DYRK1A: variants seen among roughly 807,000 people sequenced by gnomAD.
DYRK1A encodes dual specificity tyrosine-phosphorylation-regulated kinase 1A.
DYRK1A carries 9 observed loss-of-function variants against 79.7 expected under a neutral mutation model. That is an observed-to-expected ratio of 0.11 (90% confidence interval 0.07 to 0.20). The LOEUF (loss-of-function observed/expected upper bound fraction) is 0.20. Ranked by LOEUF, DYRK1A falls within the 10% of genes least tolerant of loss-of-function variation. The probability of loss-of-function intolerance (pLI) is 1.00; values close to 1 mark genes in which losing one functional copy is unlikely to be tolerated. For missense variants in DYRK1A, 622 were observed against 956.0 expected (o/e 0.65, Z 4.61); for synonymous variants, 349 against 329.7 (o/e 1.06, Z -0.63).
intron 4 of DYRK1A, among the ~76,000 whole-genome samples, chr21:37,479,625 T>TTTTTTG (rs2052560021): frequency 1.0e-5 from 1 of 97,536 alleles, no homozygotes; most frequent in African/African-American, 5.6e-5. Flanking sequence ...TTTTGTTTTT[T>TTTTTTG]TTTTTTTTTT....
intron 1 of DYRK1A, among the ~76,000 whole-genome samples, chr21:37,386,272 G>T (rs531134475): frequency 6.6e-6 from 1 of 152,162 alleles, no homozygotes; most frequent in African/African-American, 2.4e-5. Context: ...AATGTAGTGC[G>T]CTTGAATCAT....
Position 37,518,542 on chromosome 21 carries a change from T to A in DYRK1A, c.*6011T>A, listed in dbSNP as rs1429797620. ...TTTTCTGAAACTTTGCGGGCCATTCTGAACCTGCAGCCAGGCAGGACTCTG... is the reference window on the plus strand; with the variant it reads ...TTTTCTGAAACTTTGCGGGCCATTCAGAACCTGCAGCCAGGCAGGACTCTG... On this transcript the variant is annotated 3_prime_UTR_variant, in exon 12 of 12. Coordinates refer to ENST00000647188, the MANE Select transcript of DYRK1A (RefSeq NM_001347721.2). 1 of 151,970 alleles carries A rather than the reference T, an allele frequency of 6.6e-6. No individual in the cohort carries two copies. Among genetic ancestry groups the A allele is most frequent in the African/African-American group, 2.4e-5 (1 of 41,344 alleles). The allele number at this position is 151,970 out of a possible 1,614,324, so 9.4% of individuals were successfully genotyped here. A position where few individuals can be genotyped will look rare whatever the true frequency, so the allele number is the denominator to read the frequency against.
chr21:37,490,516 G>C, intron 7 of DYRK1A, 55 bp downstream of exon 7: 1 of 1,532,856 alleles, frequency 6.5e-7, no homozygotes, highest in Non-Finnish European at 8.8e-7. Flanking sequence ...GAAGTAGGTA[G>C]GACAGTGTAG....
chr21:37,473,201 C>CA (rs1250190874), intron 3 of DYRK1A, among the ~76,000 whole-genome samples: 1 of 152,104 alleles, frequency 6.6e-6, no homozygotes, highest in African/African-American at 2.4e-5. Flanking sequence ...AAAACCGTTA[C>CA]AGGAAAGCAA....
intron 2 of DYRK1A, among the ~76,000 whole-genome samples, chr21:37,448,410 C>T (rs1262177071): frequency 3.3e-5 from 5 of 152,080 alleles, no homozygotes; most frequent in Non-Finnish European, 5.9e-5. Context: ...GTGCCTGGTC[C>T]CCATTTCAGG....
intron 2 of DYRK1A, among the ~76,000 whole-genome samples, chr21:37,472,400 T>G (rs575898240): frequency 6.4e-4 from 97 of 152,290 alleles, no homozygotes; most frequent in Non-Finnish European, 1.2e-3. Context: ...TTTATGAAAA[T>G]CTCGTAGGTG....
intron 8 of DYRK1A, 95 bp from the exon 9 acceptor site, chr21:37,496,023 G>A (rs1382017368): frequency 1.6e-6 from 2 of 1,213,220 alleles, no homozygotes; most frequent in Non-Finnish European, 2.3e-6. Flanking sequence ...AGACACACAG[G>A]AGGTGTGCAA....
intron 2 of DYRK1A, among the ~76,000 whole-genome samples, chr21:37,439,641 C>A (rs2148473426): frequency 6.6e-6 from 1 of 152,304 alleles, no homozygotes; most frequent in East Asian, 1.9e-4. Context: ...GCCTGATGAT[C>A]TGAGGTAGAA....
intron 2 of DYRK1A, 61 bp from the exon 3 acceptor site, chr21:37,472,623 T>C: frequency 2.2e-6 from 3 of 1,376,024 alleles, no homozygotes; most frequent in South Asian, 3.3e-5. Context: ...ATTAGATATG[T>C]CAAATGATAC....
At chr21:37,432,872 A>T (rs2050815013) in intron 2 of DYRK1A, among the ~76,000 whole-genome samples, 1 of 151,766 alleles carries the variant, frequency 6.6e-6, no homozygotes, top group African/African-American at 2.4e-5. Flanking sequence ...GCTACTCAGG[A>T]GGCTGAGGCA....
intron 5 of DYRK1A, among the ~76,000 whole-genome samples, chr21:37,484,993 T>A (rs1224310687): frequency 6.6e-6 from 1 of 152,198 alleles, no homozygotes; most frequent in Non-Finnish European, 1.5e-5. Flanking sequence ...CAGGTTATTG[T>A]CAAATAAGGG....
In DYRK1A at chr21:37,526,212, T is replaced by A. The variant is rs1474216878; in HGVS notation, c.*13681T>A. The A allele has an allele frequency of 6.6e-6, 1 of 152,182 alleles. No individual in the cohort carries two copies. The highest frequency in any genetic ancestry group is 1.5e-5 in the Non-Finnish European group (1 of 68,030). 9.4% of individuals were successfully genotyped at this position (152,182 alleles called of 1,614,324 possible). ...GACCTCAATGCAAACCCAAAAGAAA[T>A]TTTTATATTTCAGAATCCATTGATC... is the stretch of plus-strand genomic sequence containing the variant. On this transcript the variant is annotated 3_prime_UTR_variant, in exon 12 of 12. Transcript: ENST00000647188.
At chr21:37,468,010 A>G (rs988215133) in intron 2 of DYRK1A, among the ~76,000 whole-genome samples, 1 of 152,186 alleles carries the variant, frequency 6.6e-6, no homozygotes, top group African/African-American at 2.4e-5. Context: ...CCACCATTCT[A>G]TAGAGATCAA....
chr21:37,381,473 G>A (rs779523420), intron 1 of DYRK1A, among the ~76,000 whole-genome samples: 7 of 152,126 alleles, frequency 4.6e-5, no homozygotes, highest in African/African-American at 7.2e-5. Context: ...ACTGAAATGG[G>A]GACAGTCCTT....
chr21:37,380,501 C>T (rs1256950744), intron 1 of DYRK1A, among the ~76,000 whole-genome samples: 1 of 151,898 alleles, frequency 6.6e-6, no homozygotes, highest in African/African-American at 2.4e-5. Context: ...CCCACAGTTA[C>T]TCAGCAATAT....
intron 5 of DYRK1A, among the ~76,000 whole-genome samples, chr21:37,484,394 T>C (rs1258059942): frequency 6.6e-6 from 1 of 150,840 alleles, no homozygotes; most frequent in African/African-American, 2.4e-5. Context: ...AATGGTGTGA[T>C]CTTGGCTCAT....
chr21:37,439,600 C>T (rs1457249233), intron 2 of DYRK1A, among the ~76,000 whole-genome samples: 2 of 152,124 alleles, frequency 1.3e-5, no homozygotes, highest in African/African-American at 4.8e-5. Flanking sequence ...TGCAAGGGAT[C>T]CAGGTTGCGT....
rs1555991138 is a variant in DYRK1A at position 37,505,585 on chromosome 21, C to T, written c.1515C>T (p.Ser505=). 4 of 1,600,858 alleles carry T rather than the reference C, an allele frequency of 2.5e-6. No homozygotes were observed. The highest frequency in any genetic ancestry group is 1.3e-5 in the African/African-American group (1 of 74,918). The change falls in exon 10 of 12, where the codon AGC becomes AGT. Residue 505 remains serine, a synonymous_variant. Transcript: ENST00000647188. ...GCACCACCTCCAGTACATCGTCAAG[C>T]TCAGGTCTGTGCTGCTGCGGTTAGA... is the stretch of plus-strand genomic sequence containing the variant. ...SSGTTSSTSS[S]SGGSSGTSNS... is the part of the protein sequence containing the mutation.
At chr21:37,424,695 T>C (rs1223129443) in intron 2 of DYRK1A, among the ~76,000 whole-genome samples, 1 of 152,212 alleles carries the variant, frequency 6.6e-6, no homozygotes, top group African/African-American at 2.4e-5. Context: ...ATTTCCTAGT[T>C]AAGTTAGGTA....
Sources: gnomAD v4.1 joint callset for allele counts (sites outside exome capture counted in the v4.1 genomes callset) on GRCh38, gnomAD v4.1.1 for gene constraint, MANE v1.5 for transcripts, NCBI Gene and HGNC (gene_info 2026-07-23, HGNC 2026-07-21) for gene names.